The following CSNK2A2 variants were observed in gnomAD, a reference collection of about 807,000 sequenced individuals.
CSNK2A2 encodes casein kinase 2 alpha 2.
A neutral mutation model predicts 54.0 loss-of-function variants in CSNK2A2; 8 were observed. That is an observed-to-expected ratio of 0.15 (90% CI 0.09 to 0.27). The LOEUF (loss-of-function observed/expected upper bound fraction) is 0.27. Ranked by LOEUF, CSNK2A2 falls within the 10% of genes least tolerant of loss-of-function variation. The pLI is 1.00. For synonymous variants in CSNK2A2, 141 were observed against 153.9 expected (o/e 0.92, Z 0.62); for missense variants, 242 against 439.4 (o/e 0.55, Z 4.02).
intron 5 of CSNK2A2, among the ~76,000 whole-genome samples, chr16:58,170,720 T>C (rs1477744075): frequency 6.6e-6 from 1 of 152,100 alleles, no homozygotes; most frequent in Non-Finnish European, 1.5e-5. Flanking sequence ...TTTATTTCCA[T>C]AATGAGTGAT....
At chr16:58,158,735 T>C (rs1340755007) in intron 11 of CSNK2A2, among the ~76,000 whole-genome samples, 1 of 152,184 alleles carries the variant, frequency 6.6e-6, no homozygotes, top group Non-Finnish European at 1.5e-5. Context: ...TAGGTCCCCC[T>C]CAGACCTGAC....
At position 58,184,145 on chromosome 16, in the gene CSNK2A2, ATTTCCTC is replaced by A. The variant is rs983811265; in HGVS notation, c.369+108_369+114del. On this transcript the variant is annotated intron_variant, in intron 4 of 11. Coordinates refer to ENST00000262506, the MANE Select transcript of CSNK2A2 (RefSeq NM_001896.4). ...CATGCCTTAAGGAACCCAATTTGTTATTTCCTCCTCTCACCAATGACAGCCCTGGCCC... is the reference window on the plus strand; with the variant it reads ...CATGCCTTAAGGAACCCAATTTGTTACTCTCACCAATGACAGCCCTGGCCC... 5.9e-5 allele frequency: 44 copies of A among 743,398 alleles called. No individual in the cohort carries two copies. In the African/African-American group the frequency reaches 7.6e-4, roughly 13 times the overall value. The allele number at this position is 743,398 out of a possible 1,614,324, so 46.1% of individuals were successfully genotyped here.
intron 11 of CSNK2A2, chr16:58,161,234 T>C (rs1246458821): frequency 6.6e-6 from 1 of 152,206 alleles, no homozygotes; most frequent in Non-Finnish European, 1.5e-5. Flanking sequence ...AGCCAACAAA[T>C]GATATAGCCA....
At chr16:58,196,676 T>C (rs1962461466) in intron 2 of CSNK2A2, 57 bp downstream of exon 2, 4 of 1,063,718 alleles carry the variant, frequency 3.8e-6, no homozygotes, top group South Asian at 3.8e-5. Context: ...TGGGGTACCT[T>C]ACAAACTTTT....
chr16:58,186,088 G>A (rs1231114778), intron 3 of CSNK2A2, among the ~76,000 whole-genome samples: 2 of 152,204 alleles, frequency 1.3e-5, no homozygotes, highest in Non-Finnish European at 2.9e-5. Context: ...GGGACAAGAA[G>A]GGGTACAAAA....
chr16:58,163,889 T>G (rs528562770), intron 11 of CSNK2A2, 165 bp downstream of exon 11: 1 of 539,244 alleles, frequency 1.9e-6, no homozygotes, highest in Admixed American at 3.4e-5. Context: ...CCCTGGAGAC[T>G]AGCACTGGGG....
chr16:58,191,479 A>C (rs1329244417), intron 2 of CSNK2A2, among the ~76,000 whole-genome samples: 3 of 152,026 alleles, frequency 2.0e-5, no homozygotes, highest in Admixed American at 1.3e-4. Context: ...CTCCTGCCTT[A>C]GCTTCCTGAG....
At chr16:58,167,116 T>G in intron 8 of CSNK2A2, 91 bp downstream of exon 8, 1 of 777,760 alleles carries the variant, frequency 1.3e-6, no homozygotes, top group South Asian at 2.0e-5. Flanking sequence ...TGAGTGATAC[T>G]TAGTGGCTCA....
intron 4 of CSNK2A2, among the ~76,000 whole-genome samples, chr16:58,180,647 T>C (rs1320975572): frequency 1.3e-5 from 2 of 152,138 alleles, no homozygotes; most frequent in Non-Finnish European, 2.9e-5. Context: ...TCTTATATAG[T>C]ATAACCTTGA....
At chr16:58,165,513 G>A in intron 10 of CSNK2A2, 47 bp downstream of exon 10, 1 of 1,527,666 alleles carries the variant, frequency 6.5e-7, no homozygotes, top group Non-Finnish European at 8.8e-7. Context: ...TGGAAGATTT[G>A]TTCTCTTGAC....
chr16:58,175,582 A>T (rs1961856581), intron 4 of CSNK2A2, among the ~76,000 whole-genome samples: 1 of 152,336 alleles, frequency 6.6e-6, no homozygotes, highest in East Asian at 1.9e-4. Flanking sequence ...TTTCACGTAT[A>T]TATGTGTAAA....
intron 11 of CSNK2A2, chr16:58,161,217 C>T (rs900573127): frequency 6.6e-6 from 1 of 152,196 alleles, no homozygotes; most frequent in African/African-American, 2.4e-5. Flanking sequence ...CAGTCAGGCT[C>T]ACTTGTAGCC....
At chr16:58,184,529 T>C (rs992411925) in intron 3 of CSNK2A2, among the ~76,000 whole-genome samples, 1 of 152,232 alleles carries the variant, frequency 6.6e-6, no homozygotes, top group African/African-American at 2.4e-5. Context: ...GGTGGGAGTA[T>C]AGATGAAACA....
intron 4 of CSNK2A2, 137 bp downstream of exon 4, chr16:58,184,123 G>A: frequency 3.1e-6 from 2 of 640,234 alleles, no homozygotes; most frequent in Non-Finnish European, 5.5e-6. Context: ...CTGCACTCAT[G>A]CCTTAAGGAA....
At position 58,197,613 on chromosome 16, in the gene CSNK2A2, G is replaced by C. The variant is rs545600875; in HGVS notation, c.104+20C>G. 38 of 1,520,422 alleles carry C rather than the reference G, an allele frequency of 2.5e-5. No individual in the cohort carries two copies. The East Asian group carries it at 6.1e-4, about 25-fold the overall frequency. The allele number at this position is 1,520,422 out of a possible 1,614,324, so 94.2% of individuals were successfully genotyped here. ...GGGGCAGGGATCAGCGGGCCCGGCG[G>C]GGGGCGGCGACGGCTTTACCCCCAG... On this transcript the variant is annotated intron_variant, in intron 1 of 11. Coordinates refer to ENST00000262506, the MANE Select transcript of CSNK2A2 (RefSeq NM_001896.4). The surrounding 1 kb of genome is among the most constrained non-coding windows in gnomAD (Gnocchi z 4.0).
rs772834185 is a variant in CSNK2A2, at chr16:58,167,675, A to G, written c.624+10T>C. 6 of 1,601,278 alleles carry G rather than the reference A, an allele frequency of 3.7e-6. 1 individual carries two copies. In the South Asian group the frequency reaches 6.6e-5, roughly 18 times the overall value. On this transcript the variant is annotated intron_variant, in intron 7 of 11. Transcript: ENST00000262506. ...TAAATAACCCAGAATAGCTCTGCTA[A>G]CAAGTTTACCTGATAGTCCACGAGG...
chr16:58,197,609 G>C lies in CSNK2A2; in HGVS notation c.104+24C>G, dbSNP rs780344159. On this transcript the variant is annotated intron_variant, in intron 1 of 11. Transcript: ENST00000262506. The surrounding 1 kb of genome is among the most constrained non-coding windows in gnomAD (Gnocchi z 4.0). ...GGCGGGGGCAGGGATCAGCGGGCCCGGCGGGGGGCGGCGACGGCTTTACCC... is the reference window on the plus strand; with the variant it reads ...GGCGGGGGCAGGGATCAGCGGGCCCCGCGGGGGGCGGCGACGGCTTTACCC... 35 of 1,504,888 alleles carry C rather than the reference G, an allele frequency of 2.3e-5. No homozygotes were observed. Among genetic ancestry groups the C allele is most frequent in the Non-Finnish European group, 2.9e-5 (32 of 1,114,242 alleles). The allele number at this position is 1,504,888 out of a possible 1,614,324, so 93.2% of individuals were successfully genotyped here.
chr16:58,160,991 T>G (rs1567460364), intron 11 of CSNK2A2: 1 of 152,238 alleles, frequency 6.6e-6, no homozygotes, highest in Non-Finnish European at 1.5e-5. Context: ...GCTTCTCTAG[T>G]TGGTGAGAAG....
At chr16:58,192,394 A>C (rs1161063898) in intron 2 of CSNK2A2, among the ~76,000 whole-genome samples, 3 of 152,120 alleles carry the variant, frequency 2.0e-5, no homozygotes, top group Non-Finnish European at 4.4e-5. Flanking sequence ...TTAAACTATT[A>C]ATCCCGAAAT....
Sources: gnomAD v4.1 joint callset for allele counts (sites outside exome capture counted in the v4.1 genomes callset) on GRCh38, gnomAD v4.1.1 for gene constraint, Gnocchi (gnomAD v3.1) non-coding constraint, MANE v1.5 for transcripts, NCBI Gene and HGNC (gene_info 2026-07-23, HGNC 2026-07-21) for gene names.